Variants in GALNTL6 observed in about 807,000 individuals in gnomAD.
The protein encoded by GALNTL6 is polypeptide N-acetylgalactosaminyltransferase like 6.
GALNTL6 carries 46 observed loss-of-function variants against 73.7 expected under a neutral mutation model. That is an observed-to-expected ratio of 0.62 (90% CI 0.49 to 0.80). GALNTL6 has a LOEUF of 0.80. GALNTL6 is among the 30% of genes least tolerant of loss of function. GALNTL6 has a pLI of 0.00. For missense variants in GALNTL6, 604 were observed against 755.0 expected (o/e 0.80, Z 2.34); for synonymous variants, 259 against 263.7 (o/e 0.98, Z 0.17).
At chr4:172,149,640 C>A (rs571063596) in intron 2 of GALNTL6, among the ~76,000 whole-genome samples, 1 of 152,228 alleles carries the variant, frequency 6.6e-6, no homozygotes, top group South Asian at 2.1e-4. Flanking sequence ...GGGATGCTTC[C>A]AATCACCATT....
chr4:172,251,246 G>A (rs570435547), intron 3 of GALNTL6, among the ~76,000 whole-genome samples: 1 of 152,140 alleles, frequency 6.6e-6, no homozygotes, highest in East Asian at 1.9e-4. Context: ...GTTAGTCTTT[G>A]TCTTATTAAA....
chr4:172,206,301 A>C (rs919871266), intron 2 of GALNTL6, among the ~76,000 whole-genome samples: 1 of 152,148 alleles, frequency 6.6e-6, no homozygotes, highest in African/African-American at 2.4e-5. Flanking sequence ...AATTATGTGG[A>C]TACAGGGAGA....
intron 2 of GALNTL6, among the ~76,000 whole-genome samples, chr4:172,181,195 T>A (rs1390576833): frequency 6.6e-6 from 1 of 152,132 alleles, no homozygotes; most frequent in Non-Finnish European, 1.5e-5. Context: ...ATATCCCTGA[T>A]GAACATCAAT....
chr4:172,554,722 C>T (rs530386432), intron 5 of GALNTL6, among the ~76,000 whole-genome samples: 3 of 152,228 alleles, frequency 2.0e-5, no homozygotes, highest in East Asian at 1.9e-4. Context: ...AAGAGTCATC[C>T]GTATCACTGG....
chr4:171,906,325 C>T (rs1737276555), intron 2 of GALNTL6, among the ~76,000 whole-genome samples: 1 of 151,142 alleles, frequency 6.6e-6, no homozygotes, highest in South Asian at 2.1e-4. Context: ...ACCACCGATC[C>T]CACAGAAATA....
At chr4:171,933,968 T>C (rs542533511) in intron 2 of GALNTL6, among the ~76,000 whole-genome samples, 8 of 152,232 alleles carry the variant, frequency 5.3e-5, no homozygotes, top group Admixed American at 4.6e-4. Flanking sequence ...TTTCAAATGT[T>C]ATAAACACCA....
chr4:172,587,605 G>A (rs1403417619), intron 5 of GALNTL6, among the ~76,000 whole-genome samples: 1 of 152,142 alleles, frequency 6.6e-6, no homozygotes, highest in Non-Finnish European at 1.5e-5. Flanking sequence ...AAACATAAAA[G>A]CATTGTTTGC....
intron 5 of GALNTL6, among the ~76,000 whole-genome samples, chr4:172,404,562 T>C (rs907566969): frequency 6.6e-5 from 10 of 152,102 alleles, no homozygotes; most frequent in African/African-American, 1.9e-4. Context: ...TTGAGCTCAA[T>C]GTAAAATATT....
intron 2 of GALNTL6, among the ~76,000 whole-genome samples, chr4:172,170,378 G>A (rs1345475191): frequency 1.3e-5 from 2 of 152,014 alleles, no homozygotes; most frequent in Non-Finnish European, 2.9e-5. Context: ...TTGTGAAGGT[G>A]TTGCCTGTCT....
chr4:172,496,190 C>T (rs1734064477), intron 5 of GALNTL6, among the ~76,000 whole-genome samples: 1 of 152,080 alleles, frequency 6.6e-6, no homozygotes, highest in South Asian at 2.1e-4. Context: ...ATTCTGTACT[C>T]CCAATTCCTT....
At chr4:171,884,877 G>A (rs970884215) in intron 2 of GALNTL6, among the ~76,000 whole-genome samples, 1 of 151,922 alleles carries the variant, frequency 6.6e-6, no homozygotes, top group Non-Finnish European at 1.5e-5. Context: ...CCAACATGGT[G>A]AAACTCTATC....
chr4:172,760,897 A>G (rs553273888), intron 5 of GALNTL6, among the ~76,000 whole-genome samples: 7 of 152,290 alleles, frequency 4.6e-5, no homozygotes, highest in Admixed American at 2.0e-4. Context: ...AGTAACCCGA[A>G]CGGTTGCCTA....
intron 5 of GALNTL6, among the ~76,000 whole-genome samples, chr4:172,538,556 C>A (rs12331268): frequency 0.06 from 9,165 of 152,070 alleles, 862 homozygotes; most frequent in African/African-American, 0.2. Flanking sequence ...GCAATGAATG[C>A]TGGGTGGGAG....
At chr4:172,097,287 G>A (rs907247049) in intron 2 of GALNTL6, among the ~76,000 whole-genome samples, 6 of 152,098 alleles carry the variant, frequency 3.9e-5, no homozygotes, top group African/African-American at 1.4e-4. Context: ...AAATATCCAC[G>A]AAGTGCTATC....
intron 9 of GALNTL6, among the ~76,000 whole-genome samples, chr4:172,931,718 G>C (rs1435915519): frequency 1.3e-5 from 2 of 152,162 alleles, no homozygotes; most frequent in African/African-American, 4.8e-5. Flanking sequence ...TCCAAACTCT[G>C]CCTTCTTCTC....
intron 4 of GALNTL6, among the ~76,000 whole-genome samples, chr4:172,324,934 T>C (rs1002889809): frequency 1.3e-5 from 2 of 151,456 alleles, no homozygotes; most frequent in African/African-American, 4.8e-5. Flanking sequence ...GTGCTCCTTA[T>C]AGGTAAATGT....
intron 2 of GALNTL6, among the ~76,000 whole-genome samples, chr4:172,036,415 C>T (rs1741931329): frequency 6.6e-6 from 1 of 152,050 alleles, no homozygotes; most frequent in Admixed American, 6.6e-5. Context: ...ATATAAATCA[C>T]ACAAAGTCAT....
chr4:171,950,539 G>A (rs1738844624), intron 2 of GALNTL6, among the ~76,000 whole-genome samples: 1 of 147,448 alleles, frequency 6.8e-6, no homozygotes, highest in African/African-American at 2.5e-5. Flanking sequence ...GGAGTGCAGT[G>A]GCTCGATCTT....
intron 2 of GALNTL6, among the ~76,000 whole-genome samples, chr4:172,161,083 A>G (rs567552132): frequency 6.6e-6 from 1 of 152,066 alleles, no homozygotes; most frequent in Non-Finnish European, 1.5e-5. Flanking sequence ...ATTTAGAGAC[A>G]ATATGGAAAG....
Sources: gnomAD v4.1 joint callset for allele counts (sites outside exome capture counted in the v4.1 genomes callset) on GRCh38, gnomAD v4.1.1 for gene constraint, MANE v1.5 for transcripts, NCBI Gene and HGNC (gene_info 2026-07-23, HGNC 2026-07-21) for gene names.